The following RPS6KC1 variants were observed in gnomAD, a reference collection of about 807,000 sequenced individuals.
The protein encoded by RPS6KC1 is inactive ribosomal protein S6 kinase delta-1.
Under a neutral mutation model 103.8 loss-of-function variants are expected in RPS6KC1, and 54 were observed. The observed-to-expected ratio is 0.52, with a 90% CI of 0.42 to 0.65. The LOEUF (loss-of-function observed/expected upper bound fraction) is 0.65, where lower values mean the gene tolerates loss of function less well. Among genes scored for constraint, RPS6KC1 ranks in the 30% least tolerant of loss-of-function variants. The probability of loss-of-function intolerance (pLI) is 0.00; values close to 1 mark genes in which losing one functional copy is unlikely to be tolerated. For synonymous variants in RPS6KC1, 439 were observed against 438.7 expected (o/e 1.00, Z -0.01); for missense variants, 1,151 against 1,253.8 (o/e 0.92, Z 1.24).
intron 8 of RPS6KC1, among the ~76,000 whole-genome samples, chr1:213,221,934 T>C (rs2093843188): frequency 6.6e-6 from 1 of 152,236 alleles, no homozygotes; most frequent in Non-Finnish European, 1.5e-5. Context: ...TTGGTCTGTT[T>C]TCTTCTACCT....
intron 3 of RPS6KC1, among the ~76,000 whole-genome samples, chr1:213,100,331 C>T (rs957391961): frequency 6.6e-6 from 1 of 152,078 alleles, no homozygotes; most frequent in Non-Finnish European, 1.5e-5. Context: ...ATCTTAGACA[C>T]CAGTCGTTTG....
chr1:213,132,425 G>T (rs2085745692), intron 6 of RPS6KC1, among the ~76,000 whole-genome samples: 2 of 152,090 alleles, frequency 1.3e-5, no homozygotes, highest in Admixed American at 6.5e-5. Flanking sequence ...GTATATAAAA[G>T]AACCTTTGTT....
the RPS6KC1 span, among the ~76,000 whole-genome samples, chr1:213,773,970 C>T: frequency 6.6e-6 from 1 of 152,230 alleles, no homozygotes; most frequent in African/African-American, 2.4e-5. Flanking sequence ...AAGTCCACCT[C>T]TTGTGTAAAG....
intron 14 of RPS6KC1, among the ~76,000 whole-genome samples, chr1:213,269,701 A>G (rs1327067429): frequency 5.3e-5 from 8 of 152,128 alleles, no homozygotes; most frequent in African/African-American, 1.9e-4. Context: ...TTAAATGCCT[A>G]TATCAGAAAA....
chr1:213,342,484 A>G, the RPS6KC1 span, among the ~76,000 whole-genome samples: 4 of 152,240 alleles, frequency 2.6e-5, no homozygotes, highest in African/African-American at 9.6e-5. Context: ...TGTCTGGAAT[A>G]GGAAAGGGCT....
chr1:213,144,397 T>G (rs1023604942), intron 6 of RPS6KC1, among the ~76,000 whole-genome samples: 1 of 152,026 alleles, frequency 6.6e-6, no homozygotes, highest in Admixed American at 6.6e-5. Context: ...CACCTTAGCC[T>G]TCAGAGTAGC....
the RPS6KC1 span, among the ~76,000 whole-genome samples, chr1:213,316,397 C>T: frequency 6.6e-6 from 1 of 152,046 alleles, no homozygotes; most frequent in Non-Finnish European, 1.5e-5. Flanking sequence ...GTGTTTAGTC[C>T]GAGGAAGAGA....
chr1:213,176,479 G>C lies in RPS6KC1; in HGVS notation c.1031G>C (p.Gly344Ala). 1 of 1,598,164 alleles carries C rather than the reference G, an allele frequency of 6.3e-7. No individual in the cohort carries two copies. Among genetic ancestry groups the C allele is most frequent in the Non-Finnish European group, 8.6e-7 (1 of 1,167,914 alleles). ...GAGCTGAAGGCCTTCAGAGTCCTTG[G>C]GGTGATTGACAAGGTAATTCTTCAG... ...AEELKAFRVL[G>A]VIDKVLLVMD... The change falls in exon 8 of 15, where the codon GGG becomes GCG. Residue 344 changes from glycine (G) to alanine (A), a missense_variant. This residue lies in a region of RPS6KC1 where 959 missense variants were observed against 1,006.3 expected (regional missense o/e 0.95). Transcript: ENST00000366960.
chr1:213,575,522 A>C, the RPS6KC1 span, among the ~76,000 whole-genome samples: 20 of 152,158 alleles, frequency 1.3e-4, no homozygotes, highest in Admixed American at 8.5e-4. Flanking sequence ...GGTTTTATAA[A>C]GGGCTTTTCC....
the RPS6KC1 span, among the ~76,000 whole-genome samples, chr1:213,811,942 A>C: frequency 1.3e-5 from 2 of 152,306 alleles, no homozygotes; most frequent in African/African-American, 4.8e-5. Context: ...ACTTAATCTT[A>C]TTTAATTCTT....
At chr1:213,259,872 G>A (rs2094741970) in intron 12 of RPS6KC1, among the ~76,000 whole-genome samples, 1 of 150,866 alleles carries the variant, frequency 6.6e-6, no homozygotes, top group African/African-American at 2.4e-5. Flanking sequence ...CTGAGTAGCT[G>A]GGATTACAGG....
the RPS6KC1 span, among the ~76,000 whole-genome samples, chr1:213,527,282 T>C: frequency 6.6e-6 from 1 of 152,236 alleles, no homozygotes; most frequent in Non-Finnish European, 1.5e-5. Flanking sequence ...TTGTAGTGTT[T>C]TATGGTTTAT....
At chr1:213,590,038 G>A in the RPS6KC1 span, among the ~76,000 whole-genome samples, 5,414 of 150,400 alleles carry the variant, frequency 0.036, 207 homozygotes, top group African/African-American at 0.093. Context: ...TTTTTGTGAC[G>A]AATTAGAAAA....
intron 8 of RPS6KC1, among the ~76,000 whole-genome samples, chr1:213,178,540 C>CA (rs2092043353): frequency 1.4e-5 from 2 of 147,994 alleles, no homozygotes; most frequent in Non-Finnish European, 3.0e-5. Flanking sequence ...GACTCTGTCT[C>CA]AAAAAAACAA....
At chr1:213,671,442 G>T in the RPS6KC1 span, among the ~76,000 whole-genome samples, 2 of 152,078 alleles carry the variant, frequency 1.3e-5, no homozygotes, top group Non-Finnish European at 2.9e-5. Context: ...GAGGAGTTTT[G>T]GTGATTTATT....
At chr1:213,190,892 A>G (rs2092720734) in intron 8 of RPS6KC1, among the ~76,000 whole-genome samples, 1 of 152,146 alleles carries the variant, frequency 6.6e-6, no homozygotes, top group African/African-American at 2.4e-5. Flanking sequence ...AGCACTGTGT[A>G]TTGAAGAGGT....
the RPS6KC1 span, among the ~76,000 whole-genome samples, chr1:213,561,241 C>T: frequency 6.6e-6 from 1 of 152,158 alleles, no homozygotes; most frequent in Non-Finnish European, 1.5e-5. Flanking sequence ...CTAATTGTGT[C>T]CCCTTCCCAT....
the RPS6KC1 span, among the ~76,000 whole-genome samples, chr1:213,436,972 A>C: frequency 2.0e-5 from 3 of 152,010 alleles, no homozygotes; most frequent in Non-Finnish European, 2.9e-5. Flanking sequence ...TTTCCTTTCA[A>C]ATCTGTAGAC....
chr1:213,826,543 G>A, the RPS6KC1 span, among the ~76,000 whole-genome samples: 471 of 152,266 alleles, frequency 3.1e-3, 3 homozygotes, highest in African/African-American at 0.011. Context: ...GGTCCAGTGC[G>A]AAATGGAAAT....
Sources: allele counts gnomAD v4.1 joint callset (sites outside exome capture counted in the v4.1 genomes callset), GRCh38; gene constraint gnomAD v4.1.1; regional missense constraint gnomAD v4.1.1; transcripts MANE v1.5; gene names NCBI Gene and HGNC (gene_info 2026-07-23, HGNC 2026-07-21).